The following PCDHA4 variants were observed in gnomAD, a reference collection of about 807,000 sequenced individuals.
PCDHA4 encodes protocadherin alpha-4.
PCDHA4 carries 49 observed loss-of-function variants against 61.4 expected under a neutral mutation model. That is an observed-to-expected ratio of 0.80 (90% confidence interval 0.63 to 1.01). The LOEUF (loss-of-function observed/expected upper bound fraction) is 1.01, where lower values mean the gene tolerates loss of function less well. PCDHA4 is among the 50% of genes least tolerant of loss of function. PCDHA4 has a pLI of 0.00. For synonymous variants in PCDHA4, 590 were observed against 550.3 expected (o/e 1.07, Z -1.01); for missense variants, 1,254 against 1,235.8 (o/e 1.01, Z -0.22).
intron 1 of PCDHA4, among the ~76,000 whole-genome samples, chr5:140,975,318 C>T (rs1554236746): frequency 6.6e-6 from 1 of 152,198 alleles, no homozygotes; most frequent in Admixed American, 6.5e-5. Flanking sequence ...TTATGTCAGT[C>T]CCATCCAGAT....
intron 1 of PCDHA4, among the ~76,000 whole-genome samples, chr5:140,945,356 G>A (rs1294877669): frequency 1.1e-4 from 16 of 151,976 alleles, no homozygotes; most frequent in Non-Finnish European, 1.9e-4. Flanking sequence ...AATTAATACT[G>A]TTTAAAATGT....
intron 1 of PCDHA4, chr5:140,812,129 G>A (rs1240685274): frequency 6.7e-6 from 1 of 149,138 alleles, no homozygotes; most frequent in Non-Finnish European, 1.5e-5. Flanking sequence ...CTCCAGGAAA[G>A]ATATCTGGTT....
At position 140,937,762 on chromosome 5, in the gene PCDHA4, A is replaced by T. The variant is rs955142751; in HGVS notation, c.2386-41187A>T. Among the ~76,000 whole-genome samples, 6 of 151,868 alleles carry T rather than the reference A, an allele frequency of 4.0e-5. No individual in the cohort carries two copies. The South Asian group carries it at 6.2e-4, about 16-fold the overall frequency. On this transcript the variant is annotated intron_variant, in intron 1 of 3. Coordinates refer to ENST00000530339, the MANE Select transcript of PCDHA4 (RefSeq NM_018907.4). ...CCCGTCTCTACTAAAAATACAAAAA[A>T]TTAGTCGGGCGTGGTGGCGGGCGTA... is the stretch of plus-strand genomic sequence containing the variant.
chr5:140,927,574 G>T, intron 1 of PCDHA4: 1 of 1,614,168 alleles, frequency 6.2e-7, no homozygotes, highest in Non-Finnish European at 8.5e-7. Flanking sequence ...GGACACAAAT[G>T]ACAACGCGCC....
chr5:140,882,775 C>G, intron 1 of PCDHA4: 10 of 1,614,220 alleles, frequency 6.2e-6, no homozygotes, highest in Non-Finnish European at 8.5e-6. Flanking sequence ...CGGCATTGAC[C>G]TACCGACTGG....
intron 1 of PCDHA4, chr5:140,859,925 A>T (rs1359267858): frequency 1.3e-5 from 2 of 152,068 alleles, no homozygotes; most frequent in African/African-American, 4.8e-5. Context: ...TAAGTAATAT[A>T]AAAAACTTAG....
In PCDHA4 at chr5:141,010,203, C is replaced by T; in HGVS notation, c.*266C>T. ...AGACCCAAGTTTCCTTTCTCCTCCG[C>T]CGCAAAGGAGAGGCTTCCCAGCCCC... On this transcript the variant is annotated 3_prime_UTR_variant, in exon 4 of 4. Coordinates refer to ENST00000530339, the MANE Select transcript of PCDHA4 (RefSeq NM_018907.4). The T allele has an allele frequency of 1.3e-6, 2 of 1,552,032 alleles. No homozygotes were observed. Among genetic ancestry groups the T allele is most frequent in the Non-Finnish European group, 1.7e-6 (2 of 1,147,066 alleles).
In PCDHA4 at chr5:140,876,738, G is replaced by A. The variant is rs782179304; in HGVS notation, c.2385+67166G>A. 3.1e-6 allele frequency: 5 copies of A among 1,614,264 alleles called. No individual in the cohort carries two copies. In the Admixed American group the frequency reaches 5.0e-5, roughly 16 times the overall value. ...ACCGCGAGAGCGTGTCGGCCTATGA[G>A]CTGGTGGTGACTGCGCGGGATGGGG... On this transcript the variant is annotated intron_variant, in intron 1 of 3. Coordinates refer to ENST00000530339, the MANE Select transcript of PCDHA4 (RefSeq NM_018907.4).
intron 3 of PCDHA4, among the ~76,000 whole-genome samples, chr5:140,992,035 G>C (rs529236840): frequency 6.6e-6 from 1 of 151,988 alleles, no homozygotes; most frequent in South Asian, 2.1e-4. Flanking sequence ...GTGTGTGTGT[G>C]TGTGTGTGTG....
At chr5:140,893,879 G>A (rs747246517) in intron 1 of PCDHA4, among the ~76,000 whole-genome samples, 26 of 152,060 alleles carry the variant, frequency 1.7e-4, no homozygotes, top group Admixed American at 4.6e-4. Flanking sequence ...GATCCAAAGT[G>A]GCCAGAAAGT....
At chr5:140,872,589 C>T (rs1242242642) in intron 1 of PCDHA4, among the ~76,000 whole-genome samples, 1 of 151,922 alleles carries the variant, frequency 6.6e-6, no homozygotes, top group African/African-American at 2.4e-5. Flanking sequence ...ATCGTGAGAC[C>T]CCCATCTGAA....
At chr5:140,894,656 C>T (rs2064591261) in intron 1 of PCDHA4, among the ~76,000 whole-genome samples, 2 of 151,616 alleles carry the variant, frequency 1.3e-5, no homozygotes, top group Non-Finnish European at 2.9e-5. Flanking sequence ...CTCTCTAATT[C>T]TGATTTGTGT....
chr5:140,871,255 A>G (rs201468806), intron 1 of PCDHA4: 9 of 1,613,976 alleles, frequency 5.6e-6, no homozygotes, highest in Non-Finnish European at 7.6e-6. Context: ...GCTGCTGTAT[A>G]CGGCGCTGTG....
chr5:140,959,057 G>A (rs1437392976), intron 1 of PCDHA4, among the ~76,000 whole-genome samples: 1 of 152,092 alleles, frequency 6.6e-6, no homozygotes, highest in Non-Finnish European at 1.5e-5. Context: ...AAAAAATGCA[G>A]TATATATAGA....
chr5:140,988,201 A>C (rs2097286908), intron 3 of PCDHA4, among the ~76,000 whole-genome samples: 1 of 152,064 alleles, frequency 6.6e-6, no homozygotes, highest in Non-Finnish European at 1.5e-5. Context: ...GCATATCCTT[A>C]TTAGGAAAAA....
intron 1 of PCDHA4, among the ~76,000 whole-genome samples, chr5:140,916,285 G>A (rs530335868): frequency 1.2e-4 from 18 of 152,154 alleles, no homozygotes; most frequent in Non-Finnish European, 2.4e-4. Flanking sequence ...TCTACTCCAC[G>A]TGGCCAAACT....
intron 1 of PCDHA4, among the ~76,000 whole-genome samples, chr5:140,832,378 A>G (rs1554133521): frequency 6.6e-6 from 1 of 152,196 alleles, no homozygotes; most frequent in Non-Finnish European, 1.5e-5. Context: ...CCATTCTTGA[A>G]ATGGCAGAAA....
intron 3 of PCDHA4, among the ~76,000 whole-genome samples, chr5:140,997,511 G>T (rs565737825): frequency 6.6e-6 from 1 of 151,992 alleles, no homozygotes; most frequent in Non-Finnish European, 1.5e-5. Flanking sequence ...ATACCTAAAC[G>T]CAGAAAAAGT....
At chr5:140,842,126 C>T (rs534570289) in intron 1 of PCDHA4, 2 of 1,613,822 alleles carry the variant, frequency 1.2e-6, no homozygotes, top group Non-Finnish European at 1.7e-6. Flanking sequence ...TGCTTCTGAT[C>T]CGGATGAAGG....
Sources: allele counts gnomAD v4.1 joint callset (sites outside exome capture counted in the v4.1 genomes callset), GRCh38; gene constraint gnomAD v4.1.1; transcripts MANE v1.5; gene names NCBI Gene and HGNC (gene_info 2026-07-23, HGNC 2026-07-21).